DLGAP2: variants seen among roughly 807,000 people sequenced by gnomAD.
DLGAP2 encodes DLG associated protein 2.
DLGAP2 carries 26 observed loss-of-function variants against 100.3 expected under a neutral mutation model. The ratio of observed to expected loss-of-function variants is 0.26; its 90% CI spans 0.19 to 0.36. The LOEUF is 0.36. DLGAP2 is among the 10% of genes least tolerant of loss of function. The pLI is 1.00. For synonymous variants in DLGAP2, 886 were observed against 630.1 expected, an observed-to-expected ratio of 1.41 and a Z score of -6.08; for missense variants, 1,858 against 1,453.2, an observed-to-expected ratio of 1.28 and a Z score of -4.53.
chr8:1,299,275 C>G (rs1168042815), intron 3 of DLGAP2, among the ~76,000 whole-genome samples: 1 of 152,320 alleles, frequency 6.6e-6, no homozygotes, highest in East Asian at 1.9e-4. Flanking sequence ...CCACCCGAGG[C>G]CACCCAGGGT....
At chr8:805,104 T>G (rs1363685219) in intron 1 of DLGAP2, among the ~76,000 whole-genome samples, 2 of 152,190 alleles carry the variant, frequency 1.3e-5, no homozygotes, top group Admixed American at 1.3e-4. Flanking sequence ...GACACTTACC[T>G]GACTGATTCG....
intron 13 of DLGAP2, 126 bp from the exon 14 acceptor site, chr8:1,697,021 G>C: frequency 9.6e-7 from 1 of 1,038,848 alleles, no homozygotes; most frequent in Non-Finnish European, 1.3e-6. Flanking sequence ...ATCTGCCTCA[G>C]GCTGGAATTA....
At chr8:1,253,159 C>T (rs1235861630) in intron 2 of DLGAP2, among the ~76,000 whole-genome samples, 2 of 152,226 alleles carry the variant, frequency 1.3e-5, no homozygotes, top group Admixed American at 1.3e-4. Context: ...GAACCAGCCT[C>T]AGGAAAGCGG....
chr8:1,040,700 G>T (rs80236883), intron 2 of DLGAP2, among the ~76,000 whole-genome samples: 1 of 152,006 alleles, frequency 6.6e-6, no homozygotes, highest in Non-Finnish European at 1.5e-5. Flanking sequence ...GGTCGGCTCG[G>T]TGTGCATGGT....
intron 8 of DLGAP2, among the ~76,000 whole-genome samples, chr8:1,641,774 T>C (rs146522659): frequency 1.4e-3 from 208 of 152,246 alleles, no homozygotes; most frequent in Non-Finnish European, 2.3e-3. Context: ...AAATAAATAA[T>C]TGATGCTTGC....
chr8:1,608,896 G>A (rs1051610705), intron 6 of DLGAP2, among the ~76,000 whole-genome samples: 1 of 151,892 alleles, frequency 6.6e-6, no homozygotes, highest in African/African-American at 2.4e-5. Flanking sequence ...TATGTGAAAA[G>A]ACCAAATCTA....
At chr8:1,506,526 G>C (rs777964610) in intron 4 of DLGAP2, among the ~76,000 whole-genome samples, 1 of 152,188 alleles carries the variant, frequency 6.6e-6, no homozygotes, top group East Asian at 1.9e-4. Flanking sequence ...AAGGAGTGCG[G>C]ACCCAAAGAG....
chr8:1,333,643 G>A (rs879251871), intron 3 of DLGAP2, among the ~76,000 whole-genome samples: 2 of 152,204 alleles, frequency 1.3e-5, no homozygotes, highest in Admixed American at 6.5e-5. Context: ...AAAGGCACTC[G>A]GAGGTAATTT....
intron 8 of DLGAP2, among the ~76,000 whole-genome samples, chr8:1,648,648 C>A (rs1194435178): frequency 6.6e-6 from 1 of 152,128 alleles, no homozygotes; most frequent in Non-Finnish European, 1.5e-5. Flanking sequence ...GGGGCATGAT[C>A]AGGACAGGGG....
chr8:834,674 T>C (rs71516114), intron 1 of DLGAP2, among the ~76,000 whole-genome samples: 11,490 of 152,172 alleles, frequency 0.076, 599 homozygotes, highest in Middle Eastern at 0.14. Context: ...CTCCTTGTTG[T>C]TAGGGAGGAG....
At chr8:1,438,115 G>T (rs183700992) in intron 3 of DLGAP2, among the ~76,000 whole-genome samples, 1 of 152,222 alleles carries the variant, frequency 6.6e-6, no homozygotes, top group Admixed American at 6.5e-5. Context: ...CCAGAAGTCA[G>T]TACTCCTGTC....
chr8:1,106,021 C>G (rs1442460101), intron 2 of DLGAP2, among the ~76,000 whole-genome samples: 2 of 142,498 alleles, frequency 1.4e-5, no homozygotes, highest in East Asian at 4.4e-4. Context: ...GGGAGCCATT[C>G]TAGGAGGATT....
chr8:1,358,408 T>C (rs1279397413), intron 3 of DLGAP2, among the ~76,000 whole-genome samples: 2 of 152,064 alleles, frequency 1.3e-5, no homozygotes, highest in African/African-American at 2.4e-5. Flanking sequence ...GGGCTAAAAA[T>C]GTATTGATCG....
intron 2 of DLGAP2, among the ~76,000 whole-genome samples, chr8:1,086,698 A>G (rs78098652): frequency 2.0e-5 from 3 of 152,146 alleles, no homozygotes; most frequent in Non-Finnish European, 4.4e-5. Context: ...TTAATTCATC[A>G]AGAATATGTA....
intron 2 of DLGAP2, among the ~76,000 whole-genome samples, chr8:1,225,174 C>T (rs1020546481): frequency 1.3e-5 from 2 of 152,212 alleles, no homozygotes; most frequent in Non-Finnish European, 2.9e-5. Context: ...GAAGGGGAAC[C>T]ACCTGGATGT....
chr8:1,438,088 G>A (rs1397651904), intron 3 of DLGAP2, among the ~76,000 whole-genome samples: 1 of 152,192 alleles, frequency 6.6e-6, no homozygotes, highest in Admixed American at 6.5e-5. Context: ...TTTCACTTCA[G>A]AAACACCTGC....
chr8:1,590,113 G>T (rs777854655), intron 6 of DLGAP2, among the ~76,000 whole-genome samples: 2 of 152,154 alleles, frequency 1.3e-5, no homozygotes, highest in Admixed American at 6.5e-5. Flanking sequence ...TGCCTCCCAG[G>T]ACCTTCCCCA....
rs563553618 is a variant in DLGAP2, at chr8:925,348, T to A, written c.73+17382T>A. Among the ~76,000 whole-genome samples the A allele has an allele frequency of 3.3e-5, 5 of 152,286 alleles. No individual in the cohort carries two copies. The East Asian group carries it at 9.6e-4, about 29-fold the overall frequency. ...TGTTGCCGAGGCTGGTCTTGAATTC[T>A]AGGGCTTAAGCGATCCTCCCAGCTC... On this transcript the variant is annotated intron_variant, in intron 2 of 14. Transcript: ENST00000637795.
rs75809665 is a variant in DLGAP2 at position 1,205,914 on chromosome 8, A to T, written c.74-52937A>T. Among the ~76,000 whole-genome samples, 1,422 of 152,280 alleles carry T rather than the reference A, an allele frequency of 9.3e-3. 14 individuals carry two copies. Among genetic ancestry groups the T allele is most frequent in the Non-Finnish European group, 0.015 (1,023 of 68,016 alleles). ...CTGTCTGTGATCGCAGCTACCTGGGATGCTGAGGCAGGAGGATCACTTGAG... is the reference window on the plus strand; with the variant it reads ...CTGTCTGTGATCGCAGCTACCTGGGTTGCTGAGGCAGGAGGATCACTTGAG... On this transcript the variant is annotated intron_variant, in intron 2 of 14. Coordinates refer to ENST00000637795, the MANE Select transcript of DLGAP2 (RefSeq NM_001346810.2).
Sources: gnomAD v4.1 joint callset for allele counts (sites outside exome capture counted in the v4.1 genomes callset) on GRCh38, gnomAD v4.1.1 for gene constraint, MANE v1.5 for transcripts, NCBI Gene and HGNC (gene_info 2026-07-23, HGNC 2026-07-21) for gene names.